Variants in KANSL1 observed in about 807,000 individuals in gnomAD.
KANSL1 encodes the protein KAT8 regulatory NSL complex subunit 1, also known as MLL1/MLL complex subunit KANSL1.
Under a neutral mutation model 103.6 loss-of-function variants are expected in KANSL1, and 22 were observed. The ratio of observed to expected loss-of-function variants is 0.21; its 90% CI spans 0.15 to 0.30. KANSL1 has a LOEUF of 0.30. Ranked by LOEUF, KANSL1 falls within the 10% of genes least tolerant of loss-of-function variation. The pLI is 1.00. For missense variants in KANSL1, 1,337 were observed against 1,399.8 expected, an observed-to-expected ratio of 0.96 and a Z score of 0.72; for synonymous variants, 600 against 527.6, an observed-to-expected ratio of 1.14 and a Z score of -1.88.
At chr17:46,140,669 A>G (rs1391949363) in intron 2 of KANSL1, among the ~76,000 whole-genome samples, 1 of 152,258 alleles carries the variant, frequency 6.6e-6, no homozygotes, top group Non-Finnish European at 1.5e-5. Flanking sequence ...TCCAGAATAT[A>G]TACAAAAAAC....
chr17:46,089,346 G>A (rs1378331404), intron 3 of KANSL1, among the ~76,000 whole-genome samples: 1 of 151,486 alleles, frequency 6.6e-6, no homozygotes, highest in Non-Finnish European at 1.5e-5. Flanking sequence ...CCTTCTGACA[G>A]AACAGAAACT....
Position 46,082,519 on chromosome 17 carries a change from T to C in KANSL1, c.1455A>G (p.Val485=). ...AGTCTGTTGTATGCTCTGGGGGAGG[T>C]ACCTCCCCAAGAACTATCAACCCCT... ...ANKGLIVLGE[V]PPPEHTTDLF... is the part of the protein sequence containing the mutation. Residue 485 remains valine (V), a synonymous_variant, in exon 4 of 15, where the codon GTA becomes GTG. Transcript: ENST00000432791. 3 of 1,610,584 alleles carry C rather than the reference T, an allele frequency of 1.9e-6. No homozygotes were observed. The highest frequency in any genetic ancestry group is 2.5e-6 in the Non-Finnish European group (3 of 1,177,474).
At position 46,061,625 on chromosome 17, in the gene KANSL1, G is replaced by C. The variant is rs546514178; in HGVS notation, c.1848+4912C>G. ...TTAGGAAGTACTCCATGTTCTCCAT[G>C]AGCCTTACTCTGATATTCACTTACC... On this transcript the variant is annotated intron_variant, in intron 6 of 14. Coordinates refer to ENST00000432791, the MANE Select transcript of KANSL1 (RefSeq NM_015443.4). 3.9e-5 allele frequency among the ~76,000 whole-genome samples: 6 copies of C among 152,188 alleles called. No homozygotes were observed. In the East Asian group the frequency reaches 1.2e-3, roughly 29 times the overall value.
intron 2 of KANSL1, among the ~76,000 whole-genome samples, chr17:46,153,764 C>T (rs1244635228): frequency 1.3e-5 from 2 of 152,074 alleles, no homozygotes; most frequent in African/African-American, 4.8e-5. Flanking sequence ...AGTATCAATA[C>T]AAAGAAGAGA....
rs557683129 is a variant in KANSL1, at chr17:46,134,539, G to A, written c.1289+36316C>T. ...AATTACGAACTATTGTTATATGAAT[G>A]TTACTTAAAAGACGAGGAGGCCAGG... On this transcript the variant is annotated intron_variant, in intron 2 of 14. Coordinates refer to ENST00000432791, the MANE Select transcript of KANSL1 (RefSeq NM_015443.4). Among the ~76,000 whole-genome samples the A allele has an allele frequency of 2.0e-5, 3 of 151,934 alleles. No homozygotes were observed. The East Asian group carries it at 5.9e-4, about 30-fold the overall frequency.
intron 2 of KANSL1, among the ~76,000 whole-genome samples, chr17:46,103,492 T>C (rs1418093208): frequency 1.3e-5 from 2 of 152,244 alleles, no homozygotes; most frequent in East Asian, 3.8e-4. Context: ...TCCTTAATGT[T>C]AAATATCCAG....
chr17:46,089,170 G>A (rs2079279688), intron 3 of KANSL1, among the ~76,000 whole-genome samples: 1 of 152,112 alleles, frequency 6.6e-6, no homozygotes, highest in Non-Finnish European at 1.5e-5. Context: ...AAGCATGGAA[G>A]AGTTTCTTTT....
Position 46,096,310 on chromosome 17 carries a change from TC to T in KANSL1, c.1290-1610del, listed in dbSNP as rs1399447326. Among the ~76,000 whole-genome samples, 11 of 124,222 alleles carry T rather than the reference TC, an allele frequency of 8.9e-5. No homozygotes were observed. In the East Asian group the frequency reaches 8.9e-4, roughly 10 times the overall value. 81.5% of individuals were successfully genotyped at this position (124,222 alleles called of 152,430 possible). A position where few individuals can be genotyped will look rare whatever the true frequency, so the allele number is the denominator to read the frequency against. On this transcript the variant is annotated intron_variant, in intron 2 of 14. Coordinates refer to ENST00000432791, the MANE Select transcript of KANSL1 (RefSeq NM_015443.4). ...GCATACTACATACCTGGCTTTTTTT[TC>T]TTTTTTTTTTTTTTTTTTTTTGAGA...
At chr17:46,041,451 G>A (rs955767332) in intron 7 of KANSL1, 1 of 152,166 alleles carries the variant, frequency 6.6e-6, no homozygotes, top group Non-Finnish European at 1.5e-5. Flanking sequence ...CTAAAAGCCA[G>A]CACATTTTTC....
At chr17:46,179,567 A>G (rs889449110) in intron 1 of KANSL1, among the ~76,000 whole-genome samples, 1 of 152,240 alleles carries the variant, frequency 6.6e-6, no homozygotes, top group Non-Finnish European at 1.5e-5. Context: ...TTCTCTACAC[A>G]AAGGACGGAA....
chr17:46,082,602 T>G, intron 3 of KANSL1, 60 bp from the exon 4 acceptor site: 1 of 982,886 alleles, frequency 1.0e-6, no homozygotes, highest in Non-Finnish European at 1.6e-6. Context: ...AAATTTAATT[T>G]AGGAGTTAAG....
chr17:46,039,719 G>C lies in KANSL1; in HGVS notation c.2186C>G (p.Ser729Cys), dbSNP rs1263861852. 2 of 1,613,950 alleles carry C rather than the reference G, an allele frequency of 1.2e-6. No homozygotes were observed. The highest frequency in any genetic ancestry group is 2.2e-5 in the South Asian group (2 of 91,056). The change falls in exon 8 of 15, where the codon TCC (serine) becomes TGC (cysteine). Residue 729 changes from serine to cysteine, a missense_variant. By Grantham distance (112) the Ser-to-Cys change is moderately radical (BLOSUM62 -1). Coordinates refer to ENST00000432791, the MANE Select transcript of KANSL1 (RefSeq NM_015443.4). Reference sequence around the variant, plus strand: ...ACACTTACTGGCTGTTGTTAGGAAGGAGCTGACCAATTTGTGCCTGTCCTT... The same window carrying C: ...ACACTTACTGGCTGTTGTTAGGAAGCAGCTGACCAATTTGTGCCTGTCCTT... ...ARKDRHKLVSSFLTTAKLSHH... is the reference protein window; with the variant it reads ...ARKDRHKLVSCFLTTAKLSHH...
chr17:46,112,123 T>C (rs2042835598), intron 2 of KANSL1, among the ~76,000 whole-genome samples: 2 of 152,092 alleles, frequency 1.3e-5, no homozygotes, highest in African/African-American at 4.8e-5. Context: ...TCCCAGGGCT[T>C]TGGGAGCCCA....
chr17:46,172,824 G>GTCA (rs1191281939), intron 1 of KANSL1, among the ~76,000 whole-genome samples: 2 of 152,314 alleles, frequency 1.3e-5, no homozygotes, highest in African/African-American at 4.8e-5. Flanking sequence ...GATCAAAGTG[G>GTCA]TCATCAATAT....
intron 1 of KANSL1, among the ~76,000 whole-genome samples, chr17:46,190,225 C>G (rs1329373924): frequency 6.6e-6 from 1 of 152,246 alleles, no homozygotes; most frequent in Non-Finnish European, 1.5e-5. Context: ...AGTATAGTTA[C>G]TTCACTTTCT....
At chr17:46,184,560 T>C (rs1290382362) in intron 1 of KANSL1, among the ~76,000 whole-genome samples, 1 of 152,224 alleles carries the variant, frequency 6.6e-6, no homozygotes, top group Non-Finnish European at 1.5e-5. Context: ...ATCTGTCCCC[T>C]TTTTACATTA....
intron 6 of KANSL1, among the ~76,000 whole-genome samples, chr17:46,057,129 G>GT (rs969725794): frequency 1.4e-4 from 21 of 152,132 alleles, no homozygotes; most frequent in African/African-American, 5.1e-4. Flanking sequence ...AAAATTAATA[G>GT]TAAGAACAAA....
At chr17:46,144,320 G>T (rs1199569760) in intron 2 of KANSL1, among the ~76,000 whole-genome samples, 12 of 152,290 alleles carry the variant, frequency 7.9e-5, no homozygotes, top group Middle Eastern at 3.4e-3. Context: ...AATAGAAAAA[G>T]AAATTCCAGA....
Position 46,031,522 on chromosome 17 carries a change from CG to C in KANSL1, c.3271del (p.Arg1091GlyfsTer22). On this transcript the variant is annotated frameshift_variant, in exon 15 of 15. Coordinates refer to ENST00000432791, the MANE Select transcript of KANSL1 (RefSeq NM_015443.4). LOFTEE classifies it high-confidence loss of function. ...AGCTGTGGCTGCTGCCACCAGATGC[CG>C]ACTCTTGAGGGGGACAATGGGAGGC... ...TSPPIVPLKS[R>X]HLVAAATAQR... 6.2e-7 allele frequency: 1 copy of C among 1,613,798 alleles called. No individual in the cohort carries two copies. Among genetic ancestry groups the C allele is most frequent in the Non-Finnish European group, 8.5e-7 (1 of 1,179,908 alleles).
Sources: allele counts gnomAD v4.1 joint callset (sites outside exome capture counted in the v4.1 genomes callset), GRCh38; gene constraint gnomAD v4.1.1; transcripts MANE v1.5; gene names NCBI Gene and HGNC (gene_info 2026-07-23, HGNC 2026-07-21).